The following ERC2 variants were observed in gnomAD, a reference collection of about 807,000 sequenced individuals.
ERC2 encodes the protein ERC protein 2.
Under a neutral mutation model 114.8 loss-of-function variants are expected in ERC2, and 42 were observed. The observed-to-expected ratio is 0.37, with a 90% CI of 0.29 to 0.47. The LOEUF (loss-of-function observed/expected upper bound fraction) is 0.47. ERC2 is among the 20% of genes least tolerant of loss of function. The pLI, the probability that ERC2 is intolerant of heterozygous loss-of-function variation, is 0.99. For synonymous variants in ERC2, 454 were observed against 425.5 expected, an observed-to-expected ratio of 1.07 and a Z score of -0.82; for missense variants, 939 against 1,150.7, an observed-to-expected ratio of 0.82 and a Z score of 2.66.
chr3:55,530,255 G>A (rs1035559826), intron 17 of ERC2, among the ~76,000 whole-genome samples: 1 of 152,210 alleles, frequency 6.6e-6, no homozygotes, highest in Non-Finnish European at 1.5e-5. Flanking sequence ...AGATAGCAAA[G>A]GGCCAGACAG....
intron 6 of ERC2, among the ~76,000 whole-genome samples, chr3:56,134,061 A>T (rs2080354709): frequency 6.6e-6 from 1 of 152,224 alleles, no homozygotes; most frequent in Non-Finnish European, 1.5e-5. Context: ...TGTGACCTCA[A>T]AGAGGATCAG....
At chr3:56,285,163 G>A (rs1223489467) in intron 3 of ERC2, among the ~76,000 whole-genome samples, 1 of 149,590 alleles carries the variant, frequency 6.7e-6, no homozygotes, top group Non-Finnish European at 1.5e-5. Flanking sequence ...CAGACTCCGG[G>A]TGAAGAAGTC....
intron 2 of ERC2, among the ~76,000 whole-genome samples, chr3:56,370,514 T>A (rs1005325197): frequency 4.6e-5 from 7 of 152,132 alleles, no homozygotes; most frequent in Non-Finnish European, 7.4e-5. Context: ...GGATTTGTTC[T>A]CTTGGCCTTG....
chr3:56,348,953 A>G (rs1310796501), intron 2 of ERC2, among the ~76,000 whole-genome samples: 19 of 141,798 alleles, frequency 1.3e-4, no homozygotes, highest in Non-Finnish European at 2.2e-4. Context: ...GGAAGGAAGG[A>G]AGGAAAGAAA....
At chr3:56,234,286 C>T (rs1243433975) in intron 3 of ERC2, among the ~76,000 whole-genome samples, 1 of 152,150 alleles carries the variant, frequency 6.6e-6, no homozygotes, top group Non-Finnish European at 1.5e-5. Flanking sequence ...TTCACTCAAT[C>T]CAAAGCAACT....
At chr3:56,391,169 T>C (rs1211687253) in intron 2 of ERC2, among the ~76,000 whole-genome samples, 1 of 152,184 alleles carries the variant, frequency 6.6e-6, no homozygotes. Flanking sequence ...AAATAAATGC[T>C]GAACGAGGTT....
At chr3:56,361,995 A>C (rs531452118) in intron 2 of ERC2, among the ~76,000 whole-genome samples, 1 of 152,160 alleles carries the variant, frequency 6.6e-6, no homozygotes, top group Non-Finnish European at 1.5e-5. Context: ...TACACATGCC[A>C]CTTAAACAGA....
intron 17 of ERC2, among the ~76,000 whole-genome samples, chr3:55,664,944 C>T (rs915060355): frequency 3.9e-5 from 6 of 152,116 alleles, no homozygotes; most frequent in Non-Finnish European, 7.3e-5. Context: ...AATCCCCACA[C>T]GGGAGTCAAC....
chr3:56,192,247 C>G (rs1195517072), intron 3 of ERC2, among the ~76,000 whole-genome samples: 1 of 152,160 alleles, frequency 6.6e-6, no homozygotes, highest in Non-Finnish European at 1.5e-5. Flanking sequence ...TCCACAGTGT[C>G]TCACCCAAGG....
chr3:56,109,599 G>A (rs1176817185), intron 6 of ERC2, among the ~76,000 whole-genome samples: 10 of 152,126 alleles, frequency 6.6e-5, no homozygotes, highest in Non-Finnish European at 1.0e-4. Context: ...AACAGAATAT[G>A]ATGCAGCAGT....
chr3:56,084,025 A>G (rs2077376812), intron 6 of ERC2, among the ~76,000 whole-genome samples: 1 of 152,164 alleles, frequency 6.6e-6, no homozygotes, highest in Admixed American at 6.6e-5. Flanking sequence ...AAAAAAAAAG[A>G]ATAAAGAAAT....
chr3:55,950,400 AT>A, intron 13 of ERC2, 24 bp downstream of exon 13: 1 of 1,612,382 alleles, frequency 6.2e-7, no homozygotes, highest in Non-Finnish European at 8.5e-7. Flanking sequence ...TTATTTAGCG[AT>A]TAAGAAGAGA....
At chr3:55,795,714 GC>G (rs1462195119) in intron 14 of ERC2, among the ~76,000 whole-genome samples, 1 of 152,174 alleles carries the variant, frequency 6.6e-6, no homozygotes, top group East Asian at 1.9e-4. Flanking sequence ...ATCAGACAAA[GC>G]CCCCTCAGAT....
At chr3:56,365,942 C>T (rs961412210) in intron 2 of ERC2, among the ~76,000 whole-genome samples, 3 of 152,172 alleles carry the variant, frequency 2.0e-5, no homozygotes, top group African/African-American at 7.2e-5. Flanking sequence ...TACTGAGAGA[C>T]TAAATATACA....
rs549498862 is a variant in ERC2 at position 55,606,432 on chromosome 3, C to A, written c.*39+77362G>T. 9.9e-4 allele frequency among the ~76,000 whole-genome samples: 149 copies of A among 150,638 alleles called. 1 individual carries two copies. Among genetic ancestry groups the A allele is most frequent in the African/African-American group, 3.4e-3 (138 of 40,690 alleles). ...AAGAAAAAGTGTTGAAAATCATAGG[C>A]CTTGGAAAGCAAATAGTAAATGTAA... is the stretch of plus-strand genomic sequence containing the variant. On this transcript the variant is annotated intron_variant, in intron 17 of 17. Coordinates refer to ENST00000288221, the MANE Select transcript of ERC2 (RefSeq NM_015576.3).
chr3:55,882,043 C>T (rs775850298), intron 14 of ERC2, among the ~76,000 whole-genome samples: 10 of 152,128 alleles, frequency 6.6e-5, no homozygotes, highest in Non-Finnish European at 1.0e-4. Context: ...TCCAAAACTC[C>T]TATTGAAATT....
intron 2 of ERC2, among the ~76,000 whole-genome samples, chr3:56,354,516 C>T (rs1461348902): frequency 6.6e-6 from 1 of 152,092 alleles, no homozygotes; most frequent in Non-Finnish European, 1.5e-5. Flanking sequence ...CAGGGCAGTC[C>T]CCCATAACAA....
At chr3:55,713,162 A>ACACACACACACAC in intron 15 of ERC2, among the ~76,000 whole-genome samples, 1 of 59,356 alleles carries the variant, frequency 1.7e-5, no homozygotes, top group Non-Finnish European at 3.7e-5. Flanking sequence ...CACACACACA[A>ACACACACACACAC]ACCCCAGAAT....
chr3:55,714,983 G>A (rs1268483929), intron 15 of ERC2, among the ~76,000 whole-genome samples: 2 of 151,974 alleles, frequency 1.3e-5, no homozygotes, highest in African/African-American at 2.4e-5. Context: ...TTTTGACTTT[G>A]GAGAATTGAG....
Sources: allele counts gnomAD v4.1 joint callset (sites outside exome capture counted in the v4.1 genomes callset), GRCh38; gene constraint gnomAD v4.1.1; transcripts MANE v1.5; gene names NCBI Gene and HGNC (gene_info 2026-07-23, HGNC 2026-07-21).